SNX24: variants seen among roughly 807,000 people sequenced by gnomAD.
SNX24 encodes sorting nexin 24.
Under a neutral mutation model 28.7 loss-of-function variants are expected in SNX24, and 22 were observed. The ratio of observed to expected loss-of-function variants is 0.77; its 90% confidence interval spans 0.55 to 1.10. The LOEUF (loss-of-function observed/expected upper bound fraction) is 1.10, where lower values mean the gene tolerates loss of function less well. Among genes scored for constraint, SNX24 ranks in the 50% least tolerant of loss-of-function variants. SNX24 has a pLI of 0.00. For missense variants in SNX24, 221 were observed against 201.1 expected, an observed-to-expected ratio of 1.10 and a Z score of -0.60; for synonymous variants, 69 against 71.5, an observed-to-expected ratio of 0.96 and a Z score of 0.18.
chr5:123,008,149 A>G lies in SNX24; in HGVS notation c.*400A>G, dbSNP rs1016637731. The G allele has an allele frequency of 8.0e-6, 8 of 994,986 alleles. No homozygotes were observed. Among genetic ancestry groups the G allele is most frequent in the South Asian group, 4.5e-5 (1 of 22,104 alleles). 61.6% of individuals were successfully genotyped at this position (994,986 alleles called of 1,614,324 possible). ...ATCAACTTTGGTAGCTTTTTTGTTC[A>G]GATCTTATGACACACTACTCTTCTC... On this transcript the variant is annotated 3_prime_UTR_variant, in exon 7 of 7. Coordinates refer to ENST00000261369, the MANE Select transcript of SNX24 (RefSeq NM_014035.4).
intron 1 of SNX24, among the ~76,000 whole-genome samples, chr5:122,931,879 G>A (rs749766533): frequency 2.3e-4 from 34 of 150,478 alleles, no homozygotes; most frequent in Non-Finnish European, 4.1e-4. Context: ...ACTTTGTAAC[G>A]TATGAGCTTC....
At position 123,028,984 on chromosome 5, in the gene SNX24, G is replaced by C; in HGVS notation, n.384-254G>C. The stretch of plus-strand genomic sequence containing the variant: ...ATTAAACAAAATGCCTACAGAACTT[G>C]ATTCTATCCCAGCTATGGTTTACTG... On this transcript the variant is annotated intron_variant and non_coding_transcript_variant, in intron 5 of 5. Coordinates refer to the SNX24 transcript ENST00000502387. 5 of 975,770 alleles carry C rather than the reference G, an allele frequency of 5.1e-6. No individual in the cohort carries two copies. The Admixed American group carries it at 8.3e-5, about 16-fold the overall frequency. The allele number at this position is 975,770 out of a possible 1,614,324, so 60.4% of individuals were successfully genotyped here. A position where few individuals can be genotyped will look rare whatever the true frequency, so the allele number is the denominator to read the frequency against.
At chr5:122,966,236 A>G (rs561386920) in intron 3 of SNX24, among the ~76,000 whole-genome samples, 110 of 152,364 alleles carry the variant, frequency 7.2e-4, no homozygotes, top group African/African-American at 2.3e-3. Flanking sequence ...AAACACAAGA[A>G]TGTCTAGACT....
At chr5:122,875,547 G>A (rs900668640) in intron 1 of SNX24, among the ~76,000 whole-genome samples, 1 of 152,174 alleles carries the variant, frequency 6.6e-6, no homozygotes, top group Non-Finnish European at 1.5e-5. Context: ...TTTGTACGGG[G>A]GAGTGGTATC....
At chr5:122,966,332 A>G (rs1760712884) in intron 3 of SNX24, among the ~76,000 whole-genome samples, 1 of 152,180 alleles carries the variant, frequency 6.6e-6, no homozygotes, top group South Asian at 2.1e-4. Context: ...GGTTTGATAC[A>G]TAGGTATACA....
At chr5:122,944,841 C>G (rs760739904) in intron 2 of SNX24, among the ~76,000 whole-genome samples, 18 of 151,936 alleles carry the variant, frequency 1.2e-4, no homozygotes, top group Non-Finnish European at 2.4e-4. Context: ...TATGAATTTT[C>G]TTATTCATTA....
At chr5:122,946,729 G>A (rs1759705254) in intron 3 of SNX24, among the ~76,000 whole-genome samples, 1 of 152,198 alleles carries the variant, frequency 6.6e-6, no homozygotes, top group Non-Finnish European at 1.5e-5. Context: ...AGTGAGAATA[G>A]GACAAAGACC....
chr5:122,856,130 G>T (rs368492903), intron 1 of SNX24, among the ~76,000 whole-genome samples: 1 of 152,018 alleles, frequency 6.6e-6, no homozygotes, highest in African/African-American at 2.4e-5. Context: ...CCCTCCACTC[G>T]CAAGTAATCC....
chr5:122,975,446 T>C (rs1390900823), intron 3 of SNX24, among the ~76,000 whole-genome samples: 1 of 152,204 alleles, frequency 6.6e-6, no homozygotes, highest in Non-Finnish European at 1.5e-5. Context: ...CATTATGTAG[T>C]ATTTCATTGT....
chr5:123,012,224 C>T (rs531982639), downstream of SNX24, among the ~76,000 whole-genome samples: 10 of 152,232 alleles, frequency 6.6e-5, no homozygotes, highest in South Asian at 2.1e-3. Flanking sequence ...CTCGGGCAGT[C>T]CTTTATAGAA....
chr5:123,016,341 G>C (rs1457623641), intron 5 of SNX24, among the ~76,000 whole-genome samples: 2 of 152,152 alleles, frequency 1.3e-5, no homozygotes, highest in Non-Finnish European at 2.9e-5. Flanking sequence ...CAACAGGGAA[G>C]GGGAAGGGTG....
At chr5:122,878,273 G>A (rs1756319800) in intron 1 of SNX24, among the ~76,000 whole-genome samples, 1 of 152,108 alleles carries the variant, frequency 6.6e-6, no homozygotes, top group East Asian at 1.9e-4. Flanking sequence ...GGCCTGTTGT[G>A]TGGTTCTGGA....
intron 5 of SNX24, chr5:123,025,924 G>A: frequency 5.6e-6 from 9 of 1,610,116 alleles, no homozygotes; most frequent in Non-Finnish European, 7.6e-6. Flanking sequence ...TAGTGCTTCA[G>A]CTTGAAGTTC....
chr5:122,870,850 G>A (rs1488165446), intron 1 of SNX24, among the ~76,000 whole-genome samples: 2 of 152,166 alleles, frequency 1.3e-5, no homozygotes, highest in African/African-American at 4.8e-5. Flanking sequence ...TGGTGCTGCT[G>A]GTGGATGGCA....
intron 3 of SNX24, among the ~76,000 whole-genome samples, chr5:122,993,391 C>T (rs1368624080): frequency 5.3e-5 from 8 of 151,344 alleles, no homozygotes; most frequent in South Asian, 4.2e-4. Flanking sequence ...CTCTGCCTCC[C>T]GGGTTCATGC....
chr5:122,901,757 G>A (rs1757458198), intron 1 of SNX24, among the ~76,000 whole-genome samples: 1 of 152,112 alleles, frequency 6.6e-6, no homozygotes, highest in African/African-American at 2.4e-5. Context: ...CCTTGGACAT[G>A]GGGTAATACC....
At chr5:122,851,569 A>G (rs1221942689) in intron 1 of SNX24, among the ~76,000 whole-genome samples, 2 of 152,198 alleles carry the variant, frequency 1.3e-5, no homozygotes, top group Non-Finnish European at 2.9e-5. Flanking sequence ...AGACATATAT[A>G]TCTTCTTGGG....
intron 5 of SNX24, chr5:123,025,863 G>C: frequency 6.2e-7 from 1 of 1,614,110 alleles, no homozygotes; most frequent in Non-Finnish European, 8.5e-7. Context: ...AAAGAACTGA[G>C]AGCCATTGGT....
chr5:122,951,288 A>AT (rs1759930416), intron 3 of SNX24, among the ~76,000 whole-genome samples: 3 of 150,548 alleles, frequency 2.0e-5, no homozygotes, highest in Non-Finnish European at 4.4e-5. Context: ...AAAAAGAAAA[A>AT]GAAAAGAAAA....
Sources: allele counts gnomAD v4.1 joint callset (sites outside exome capture counted in the v4.1 genomes callset), GRCh38; gene constraint gnomAD v4.1.1; transcripts MANE v1.5; gene names NCBI Gene and HGNC (gene_info 2026-07-23, HGNC 2026-07-21).